CEP44: variants seen among roughly 807,000 people sequenced by gnomAD.
CEP44 encodes the protein centrosomal protein of 44 kDa.
In CEP44, 45 loss-of-function variants were observed where a neutral mutation model predicts 46.7. That is an observed-to-expected ratio of 0.96 (90% CI 0.76 to 1.24). CEP44 has a LOEUF of 1.24. CEP44 is among the 50% of genes most tolerant of loss of function. The pLI is 0.00. For missense variants in CEP44, 475 were observed against 459.7 expected (o/e 1.03, Z -0.30); for synonymous variants, 142 against 146.0 (o/e 0.97, Z 0.20).
chr4:174,322,232 T>A (rs1742368222), downstream of CEP44, among the ~76,000 whole-genome samples: 1 of 152,170 alleles, frequency 6.6e-6, no homozygotes, highest in Non-Finnish European at 1.5e-5. Context: ...GCACCATTTT[T>A]TAAAATCATC....
chr4:174,295,454 A>G (rs1053813430), intron 1 of CEP44, among the ~76,000 whole-genome samples: 6 of 145,052 alleles, frequency 4.1e-5, no homozygotes, highest in Non-Finnish European at 9.0e-5. Flanking sequence ...GGCGCTCCTC[A>G]CTTCCTAGAT....
chr4:174,304,258 A>G lies in CEP44; in HGVS notation c.396A>G (p.Gln132=). 1 of 1,595,984 alleles carries G rather than the reference A, an allele frequency of 6.3e-7. No homozygotes were observed. Among genetic ancestry groups the G allele is most frequent in the Non-Finnish European group, 8.5e-7 (1 of 1,175,380 alleles). ...ELSSLQKIPS[Q]QRKKISSGKS... is the part of the protein sequence containing the mutation. ...ACCTTTTTTTTTAGATTCCATCACA[A>G]CAAAGAAAGAAAATCAGTTCTGGTA... The change falls in exon 6 of 12, where the codon CAA becomes CAG. Residue 132 remains glutamine, a synonymous_variant. Coordinates refer to ENST00000503780, the MANE Select transcript of CEP44 (RefSeq NM_001040157.3).
chr4:174,284,516 A>G (rs952823058), intron 1 of CEP44, among the ~76,000 whole-genome samples: 13 of 152,060 alleles, frequency 8.5e-5, no homozygotes, highest in Admixed American at 6.5e-4. Flanking sequence ...ATATTTCTCC[A>G]CCTTTATTGA....
chr4:174,294,633 C>A (rs1738643870), intron 1 of CEP44, among the ~76,000 whole-genome samples: 1 of 151,716 alleles, frequency 6.6e-6, no homozygotes, highest in Non-Finnish European at 1.5e-5. Flanking sequence ...GGCAGAGGCG[C>A]CCCTCACCTC....
At chr4:174,293,402 T>C (rs998833935) in intron 1 of CEP44, among the ~76,000 whole-genome samples, 1 of 152,202 alleles carries the variant, frequency 6.6e-6, no homozygotes, top group African/African-American at 2.4e-5. Context: ...AGATGGTTGC[T>C]AAATTGGTGT....
intron 3 of CEP44, among the ~76,000 whole-genome samples, chr4:174,299,933 A>T (rs923323551): frequency 6.6e-6 from 1 of 152,164 alleles, no homozygotes; most frequent in Non-Finnish European, 1.5e-5. Flanking sequence ...ATCATTGATT[A>T]ATTGATGGAT....
intron 6 of CEP44, among the ~76,000 whole-genome samples, chr4:174,308,106 C>G (rs934245801): frequency 1.3e-5 from 2 of 152,030 alleles, no homozygotes; most frequent in African/African-American, 4.8e-5. Context: ...TTGGTATATA[C>G]TTAAGGGAAT....
At chr4:174,308,375 A>G (rs1740684535) in intron 6 of CEP44, among the ~76,000 whole-genome samples, 1 of 152,160 alleles carries the variant, frequency 6.6e-6, no homozygotes, top group South Asian at 2.1e-4. Flanking sequence ...TTAATGCAGA[A>G]ACAGAAAACC....
rs1014036464 is a variant in CEP44 at position 174,318,674 on chromosome 4, G to A, written c.*1291G>A. ...TTATTCATCTATTTATGGTATGTAT[G>A]TATAATTCTATATTACACTGTCAAA... On this transcript the variant is annotated 3_prime_UTR_variant, in exon 12 of 12. Transcript: ENST00000503780. 3 of 585,066 alleles carry A rather than the reference G, an allele frequency of 5.1e-6. No individual in the cohort carries two copies. The highest frequency in any genetic ancestry group is 4.1e-5 in the African/African-American group (2 of 49,236). The allele number at this position is 585,066 out of a possible 1,614,324, so 36.2% of individuals were successfully genotyped here.
chr4:174,321,360 A>G (rs2126688564), downstream of CEP44, among the ~76,000 whole-genome samples: 1 of 152,222 alleles, frequency 6.6e-6, no homozygotes, highest in Non-Finnish European at 1.5e-5. Context: ...ACCTTTGGTT[A>G]GCGTTTTAGG....
At chr4:174,320,614 A>G (rs1162891779), downstream of CEP44, among the ~76,000 whole-genome samples, 1 of 150,286 alleles carries the variant, frequency 6.7e-6, no homozygotes. Flanking sequence ...CAAAAGGACT[A>G]GCATAAACAA....
chr4:174,320,405 T>C (rs1261003616), downstream of CEP44: 5 of 777,582 alleles, frequency 6.4e-6, no homozygotes, highest in Non-Finnish European at 7.8e-6. Flanking sequence ...AAAATTAATA[T>C]AACCTTCTCA....
rs2126684632 is a variant in CEP44 at position 174,320,281 on chromosome 4, T to C, written c.*2898T>C. 2.0e-6 allele frequency: 2 copies of C among 980,836 alleles called. No individual in the cohort carries two copies. The highest frequency in any genetic ancestry group is 9.4e-5 in the South Asian group (2 of 21,172). The allele number at this position is 980,836 out of a possible 1,614,324, so 60.8% of individuals were successfully genotyped here. A position where few individuals can be genotyped will look rare whatever the true frequency, so the allele number is the denominator to read the frequency against. On this transcript the variant is annotated 3_prime_UTR_variant, in exon 12 of 12. Coordinates refer to ENST00000503780, the MANE Select transcript of CEP44 (RefSeq NM_001040157.3). The stretch of plus-strand genomic sequence containing the variant: ...GTTTGCTTGTTTTCCTCTACTGTTT[T>C]TAATGTGATGTTGTAATATATTTTA...
At chr4:174,327,066 T>G (rs973583868) in intron 8 of CEP44, among the ~76,000 whole-genome samples, 1 of 150,938 alleles carries the variant, frequency 6.6e-6, no homozygotes. Flanking sequence ...CCAAACCAAT[T>G]TTACTTCTAG....
chr4:174,332,233 ACGG>A (rs1448810787), exon 9 of CEP44: 2 of 152,320 alleles, frequency 1.3e-5, no homozygotes. Context: ...GGCTAAAGGT[ACGG>A]TGTTCCATAT....
intron 1 of CEP44, among the ~76,000 whole-genome samples, chr4:174,296,298 CATT>C (rs1468980849): frequency 1.3e-5 from 2 of 152,120 alleles, no homozygotes; most frequent in African/African-American, 4.8e-5. Context: ...GTTTATCACT[CATT>C]GTGTTCTTTC....
rs1016755948 is a variant in CEP44, at chr4:174,319,147, T to G, written c.*1764T>G. Reference sequence around the variant, plus strand: ...CTAATAAACAGTTGGTCATCAGAACTTTAAAATGGTAGCCTACAGAAACAT... The same window carrying G: ...CTAATAAACAGTTGGTCATCAGAACGTTAAAATGGTAGCCTACAGAAACAT... On this transcript the variant is annotated 3_prime_UTR_variant, in exon 12 of 12. Transcript: ENST00000503780. The G allele has an allele frequency of 9.1e-6, 9 of 984,852 alleles. No homozygotes were observed. Among genetic ancestry groups the G allele is most frequent in the Middle Eastern group, 5.2e-4 (1 of 1,936 alleles). 61.0% of individuals were successfully genotyped at this position (984,852 alleles called of 1,614,324 possible). A position where few individuals can be genotyped will look rare whatever the true frequency, so the allele number is the denominator to read the frequency against.
chr4:174,308,968 C>A, intron 7 of CEP44, 109 bp downstream of exon 7: 2 of 942,728 alleles, frequency 2.1e-6, no homozygotes, highest in Non-Finnish European at 3.3e-6. Flanking sequence ...AATTATTAAT[C>A]ATGACATTTT....
At chr4:174,298,933 A>G in intron 2 of CEP44, 139 bp from the exon 3 acceptor site, 1 of 535,736 alleles carries the variant, frequency 1.9e-6, no homozygotes, top group Non-Finnish European at 3.3e-6. Context: ...GAACTTGAGT[A>G]GTAGAGAAGA....
Sources: allele counts gnomAD v4.1 joint callset (sites outside exome capture counted in the v4.1 genomes callset), GRCh38; gene constraint gnomAD v4.1.1; transcripts MANE v1.5; gene names NCBI Gene and HGNC (gene_info 2026-07-23, HGNC 2026-07-21).